PUS7: variants seen among roughly 807,000 people sequenced by gnomAD.
PUS7 encodes pseudouridine synthase 7, also known as pseudouridylate synthase 7 homolog.
PUS7 carries 48 observed loss-of-function variants against 79.8 expected under a neutral mutation model. The ratio of observed to expected loss-of-function variants is 0.60; its 90% confidence interval spans 0.48 to 0.76. PUS7 has a LOEUF of 0.76. Among genes scored for constraint, PUS7 ranks in the 30% least tolerant of loss-of-function variants. The pLI is 0.00. For missense variants in PUS7, 729 were observed against 797.6 expected, an observed-to-expected ratio of 0.91 and a Z score of 1.04; for synonymous variants, 286 against 272.2, an observed-to-expected ratio of 1.05 and a Z score of -0.50.
intron 5 of PUS7, among the ~76,000 whole-genome samples, chr7:105,496,032 T>C (rs970044441): frequency 6.6e-6 from 1 of 151,596 alleles, no homozygotes; most frequent in African/African-American, 2.4e-5. Flanking sequence ...TTGTGGCGAG[T>C]GCCTGTAATT....
At position 105,462,656 on chromosome 7, in the gene PUS7, G is replaced by A. The variant is rs577657786; in HGVS notation, c.1722C>T (p.Tyr574=). 1.2e-6 allele frequency: 2 copies of A among 1,613,802 alleles called. No individual in the cohort carries two copies. The highest frequency in any genetic ancestry group is 1.6e-4 in the Middle Eastern group (1 of 6,062). The part of the protein sequence containing the change: ...KIRDYSLSGA[Y]RKIIIRPQNV... ...TCTGAGGACGAATAATGATCTTTCG[G>A]TAGGCCCCTGACAAGGAATAATCTC... Residue 574 remains tyrosine, a synonymous_variant, in exon 14 of 16, where the codon TAC becomes TAT. Coordinates refer to ENST00000469408, the MANE Select transcript of PUS7 (RefSeq NM_019042.5).
chr7:105,486,401 C>T (rs1295089195), intron 7 of PUS7, among the ~76,000 whole-genome samples: 1 of 152,066 alleles, frequency 6.6e-6, no homozygotes, highest in Non-Finnish European at 1.5e-5. Flanking sequence ...ACTTTTTCTT[C>T]CTTTTTTAGA....
intron 11 of PUS7, 126 bp downstream of exon 11, chr7:105,470,561 TC>T: frequency 8.6e-7 from 1 of 1,159,100 alleles, no homozygotes; most frequent in South Asian, 1.8e-5. Context: ...GTGAAACACC[TC>T]AGAGATCACC....
intron 14 of PUS7, among the ~76,000 whole-genome samples, chr7:105,461,679 T>C (rs1439560042): frequency 6.6e-6 from 1 of 152,242 alleles, no homozygotes; most frequent in South Asian, 2.1e-4. Context: ...AAGAGGGACA[T>C]GTTCTAACCC....
intron 9 of PUS7, among the ~76,000 whole-genome samples, chr7:105,477,761 CTT>C (rs1824172742): frequency 6.6e-6 from 1 of 151,898 alleles, no homozygotes; most frequent in African/African-American, 2.4e-5. Context: ...TGTTCCAGCT[CTT>C]TTTCTATAGA....
At chr7:105,475,458 TA>T (rs1824065337) in intron 9 of PUS7, among the ~76,000 whole-genome samples, 1 of 151,848 alleles carries the variant, frequency 6.6e-6, no homozygotes, top group Non-Finnish European at 1.5e-5. Context: ...GTGCTGGGAT[TA>T]CAGGCGTCAG....
Position 105,472,115 on chromosome 7 carries a change from A to G in PUS7, c.1237+17T>C. On this transcript the variant is annotated intron_variant, in intron 10 of 15. Coordinates refer to ENST00000469408, the MANE Select transcript of PUS7 (RefSeq NM_019042.5). ...CATACATTCTATTTATTTTCTTAAC[A>G]TGAATTTTATTCTCACCTCCAGAGC... The G allele has an allele frequency of 6.4e-7, 1 of 1,561,208 alleles. No individual in the cohort carries two copies. The highest frequency in any genetic ancestry group is 8.8e-7 in the Non-Finnish European group (1 of 1,137,992).
intron 14 of PUS7, chr7:105,462,079 TAGAAAA>T (rs2133038727): frequency 8.5e-6 from 1 of 118,328 alleles, no homozygotes; most frequent in East Asian, 2.6e-4. Flanking sequence ...AAGAAAAAGA[TAGAAAA>T]GGAAAAGAAA....
At chr7:105,509,211 A>AAAAAAAAAAAAAT (rs1825609543) in intron 1 of PUS7, among the ~76,000 whole-genome samples, 1 of 143,110 alleles carries the variant, frequency 7.0e-6, no homozygotes. Flanking sequence ...AAAAAAAAAA[A>AAAAAAAAAAAAAT]GGAAAGAAGT....
intron 9 of PUS7, among the ~76,000 whole-genome samples, chr7:105,474,375 T>C (rs1823996044): frequency 6.6e-6 from 1 of 152,174 alleles, no homozygotes; most frequent in Non-Finnish European, 1.5e-5. Flanking sequence ...AATTATTTAC[T>C]TGGATAATCT....
In PUS7 at chr7:105,502,527, T is replaced by C. The variant is rs758561797; in HGVS notation, c.623A>G (p.His208Arg). 50 of 1,614,086 alleles carry C rather than the reference T, an allele frequency of 3.1e-5. No individual in the cohort carries two copies. The highest frequency in any genetic ancestry group is 8.3e-5 in the Admixed American group (5 of 60,016). ...TGGAAACAGAGATTTGATAGCCTGATGGATGATGGTTCTTTTCTCTTTGGT... is the reference window on the plus strand; with the variant it reads ...TGGAAACAGAGATTTGATAGCCTGACGGATGATGGTTCTTTTCTCTTTGGT... ...EDTKEKRTII[H>R]QAIKSLFPGL... The change falls in exon 5 of 16, where the codon CAT (histidine) becomes CGT (arginine). Residue 208 changes from histidine to arginine, a missense_variant. Physicochemically the swap from His to Arg is conservative, Grantham distance 29. Coordinates refer to ENST00000469408, the MANE Select transcript of PUS7 (RefSeq NM_019042.5).
chr7:105,482,417 T>C lies in PUS7; in HGVS notation c.944A>G (p.His315Arg). Residue 315 changes from histidine to arginine, a missense_variant, in exon 8 of 16, where the codon CAC becomes CGC. Coordinates refer to ENST00000469408, the MANE Select transcript of PUS7 (RefSeq NM_019042.5). ...AAAGTTCATCAAGCACTTATTCAGG[T>C]GGGCAAGTCTTTGTGCAGTTATTCT... ...VLKITAQRLA[H>R]LNKCLMNFKL... 17 of 1,603,542 alleles carry C rather than the reference T, an allele frequency of 1.1e-5. No individual in the cohort carries two copies. Among genetic ancestry groups the C allele is most frequent in the Non-Finnish European group, 1.4e-5 (17 of 1,176,300 alleles).
At chr7:105,478,763 T>C (rs1276253081) in intron 9 of PUS7, among the ~76,000 whole-genome samples, 1 of 152,230 alleles carries the variant, frequency 6.6e-6, no homozygotes, top group African/African-American at 2.4e-5. Context: ...GGAAATTCTA[T>C]GGTGTTAACA....
intron 9 of PUS7, among the ~76,000 whole-genome samples, chr7:105,475,455 G>C (rs1824064750): frequency 6.6e-6 from 1 of 151,486 alleles, no homozygotes; most frequent in Non-Finnish European, 1.5e-5. Flanking sequence ...GGAGTGCTGG[G>C]ATTACAGGCG....
intron 1 of PUS7, among the ~76,000 whole-genome samples, chr7:105,515,544 T>C (rs753432689): frequency 1.3e-5 from 2 of 152,314 alleles, no homozygotes; most frequent in Middle Eastern, 3.4e-3. Flanking sequence ...TATATCTAAC[T>C]GAAAAGACAA....
chr7:105,495,864 A>G (rs970138315), intron 5 of PUS7, among the ~76,000 whole-genome samples: 12 of 152,222 alleles, frequency 7.9e-5, no homozygotes, highest in African/African-American at 2.9e-4. Context: ...CCTGTGTTAA[A>G]CAATGTAAGA....
chr7:105,460,954 ACCTT>A (rs1390081942), intron 14 of PUS7, among the ~76,000 whole-genome samples: 2 of 151,700 alleles, frequency 1.3e-5, no homozygotes, highest in Admixed American at 1.3e-4. Context: ...TGCAGCCTCG[ACCTT>A]CCAGGCTCAA....
chr7:105,485,151 G>C (rs1824491695), intron 7 of PUS7, among the ~76,000 whole-genome samples: 1 of 151,774 alleles, frequency 6.6e-6, no homozygotes, highest in Non-Finnish European at 1.5e-5. Flanking sequence ...CACCACACCT[G>C]GTCAGAGATT....
chr7:105,465,542 C>CT (rs1368595287), intron 12 of PUS7, 128 bp from the exon 13 acceptor site: 1 of 708,000 alleles, frequency 1.4e-6, no homozygotes, highest in Non-Finnish European at 2.3e-6. Context: ...GACTTAAAAG[C>CT]TTAAATTATG....
Sources: allele counts gnomAD v4.1 joint callset (sites outside exome capture counted in the v4.1 genomes callset), GRCh38; gene constraint gnomAD v4.1.1; transcripts MANE v1.5; gene names NCBI Gene and HGNC (gene_info 2026-07-23, HGNC 2026-07-21).